PPP1R12B: variants seen among roughly 807,000 people sequenced by gnomAD.
PPP1R12B encodes myosin phosphatase target subunit 2.
In PPP1R12B, 76 loss-of-function variants were observed where a neutral mutation model predicts 126.1. The ratio of observed to expected loss-of-function variants is 0.60; its 90% CI spans 0.50 to 0.73. The LOEUF (loss-of-function observed/expected upper bound fraction) is 0.73. PPP1R12B is among the 30% of genes least tolerant of loss of function. PPP1R12B has a pLI of 0.00. For missense variants in PPP1R12B, 1,052 were observed against 1,205.1 expected, an observed-to-expected ratio of 0.87 and a Z score of 1.88; for synonymous variants, 356 against 434.7, an observed-to-expected ratio of 0.82 and a Z score of 2.25.
rs775597369 is a variant in PPP1R12B at position 202,564,564 on chromosome 1, A to G, written c.2757+17A>G. The stretch of plus-strand genomic sequence containing the variant: ...GTGGCCCAGGTAAGACGGAAGAAGA[A>G]GAAAAAAGATGAGAACCAAGGGTTG... On this transcript the variant is annotated intron_variant, in intron 21 of 23. Coordinates refer to ENST00000608999, the MANE Select transcript of PPP1R12B (RefSeq NM_002481.4). The G allele has an allele frequency of 4.4e-6, 7 of 1,581,384 alleles. No individual in the cohort carries two copies. In the Admixed American group the frequency reaches 1.2e-4, roughly 26 times the overall value.
chr1:202,574,835 A>G (rs986559475), intron 23 of PPP1R12B: 17 of 574,616 alleles, frequency 3.0e-5, no homozygotes, highest in Non-Finnish European at 4.8e-5. Context: ...TCCACCTGCC[A>G]CCCATTTGCT....
intron 14 of PPP1R12B, 137 bp from the exon 15 acceptor site, chr1:202,492,977 G>A: frequency 1.2e-6 from 1 of 813,268 alleles, no homozygotes; most frequent in East Asian, 2.5e-5. Context: ...ATTGCTTGAA[G>A]TGGCCTCATT....
chr1:202,572,612 T>C (rs1157958836), intron 23 of PPP1R12B, among the ~76,000 whole-genome samples: 1 of 152,190 alleles, frequency 6.6e-6, no homozygotes, highest in African/African-American at 2.4e-5. Context: ...GTGTGAGCTG[T>C]GCCAGGCCTG....
chr1:202,422,055 C>T (rs1668865229), intron 2 of PPP1R12B, among the ~76,000 whole-genome samples: 1 of 152,218 alleles, frequency 6.6e-6, no homozygotes, highest in Non-Finnish European at 1.5e-5. Context: ...ATTGAATTAT[C>T]AGACCTTTCT....
At chr1:202,543,863 TA>T (rs146485304) in intron 18 of PPP1R12B, among the ~76,000 whole-genome samples, 167 of 152,386 alleles carry the variant, frequency 1.1e-3, no homozygotes, top group Non-Finnish European at 2.0e-3. Flanking sequence ...ATGCTCCTAA[TA>T]TTGCTATTTT....
intron 23 of PPP1R12B, chr1:202,575,099 C>T (rs202094568): frequency 1.2e-5 from 20 of 1,613,806 alleles, no homozygotes; most frequent in East Asian, 2.2e-5. Flanking sequence ...GCCAGACTCT[C>T]GGAGTCCATC....
chr1:202,441,868 T>C (rs931073322), intron 11 of PPP1R12B, among the ~76,000 whole-genome samples: 1 of 152,140 alleles, frequency 6.6e-6, no homozygotes, highest in African/African-American at 2.4e-5. Context: ...TCTTTATTTT[T>C]TTTTTTGAGA....
Position 202,431,606 on chromosome 1 carries a change from T to G in PPP1R12B, c.1128T>G (p.Thr376=). ...EGEDEASESE[T]EKEADKKPEA... ...AAGATGAAGCTTCTGAGTCAGAAAC[T>G]GAGAAGGAGGCAGGTAATGCAAAGA... is the stretch of plus-strand genomic sequence containing the variant. Residue 376 remains threonine, a synonymous_variant, in exon 8 of 24, where the codon ACT becomes ACG. Transcript: ENST00000608999. 6.2e-7 allele frequency: 1 copy of G among 1,608,654 alleles called. No homozygotes were observed. The highest frequency in any genetic ancestry group is 1.3e-5 in the African/African-American group (1 of 74,454).
rs1019877165 is a variant in PPP1R12B, at chr1:202,590,017, T to C, written c.*9457T>C. 4 of 152,198 alleles carry C rather than the reference T, an allele frequency of 2.6e-5. No homozygotes were observed. Among genetic ancestry groups the C allele is most frequent in the Admixed American group, 2.6e-4 (4 of 15,292 alleles). The allele number at this position is 152,198 out of a possible 1,614,324, so 9.4% of individuals were successfully genotyped here. A position where few individuals can be genotyped will look rare whatever the true frequency, so the allele number is the denominator to read the frequency against. On this transcript the variant is annotated 3_prime_UTR_variant, in exon 24 of 24. Transcript: ENST00000608999. ...AGGAGTTTTACTCTTCCCTGGTCTT[T>C]GGGGGCAATGCTGTCCCACTCTCCC...
intron 1 of PPP1R12B, among the ~76,000 whole-genome samples, chr1:202,409,250 A>G (rs961423255): frequency 6.6e-6 from 1 of 152,086 alleles, no homozygotes; most frequent in African/African-American, 2.4e-5. Flanking sequence ...AGGAACTTCC[A>G]TACTGTTTTC....
chr1:202,424,450 AG>A (rs1669239026), intron 3 of PPP1R12B, among the ~76,000 whole-genome samples: 2 of 151,904 alleles, frequency 1.3e-5, no homozygotes, highest in South Asian at 4.2e-4. Flanking sequence ...CAGCCTCCCA[AG>A]TAGCTGGGAT....
intron 9 of PPP1R12B, among the ~76,000 whole-genome samples, chr1:202,436,564 A>G (rs138276689): frequency 7.4e-4 from 113 of 152,234 alleles, no homozygotes; most frequent in African/African-American, 2.6e-3. Flanking sequence ...AAGGTCCTGG[A>G]CCTCAGGAAG....
intron 19 of PPP1R12B, among the ~76,000 whole-genome samples, chr1:202,560,317 A>C (rs1687386619): frequency 6.6e-6 from 1 of 152,232 alleles, no homozygotes; most frequent in Non-Finnish European, 1.5e-5. Context: ...GAAAGAATTC[A>C]GGGAGAGTCC....
Position 202,562,912 on chromosome 1 carries a change from A to T in PPP1R12B, c.2642A>T (p.Asp881Val), listed in dbSNP as rs769726443. 6.4e-7 allele frequency: 1 copy of T among 1,571,648 alleles called. No homozygotes were observed. The highest frequency in any genetic ancestry group is 2.1e-5 in the Admixed American group (1 of 48,608). The change falls in exon 20 of 24, where the codon GAT becomes GTT. Residue 881 changes from aspartate (D) to valine (V), a missense_variant. Coordinates refer to ENST00000608999, the MANE Select transcript of PPP1R12B (RefSeq NM_002481.4). Reference protein sequence around the residue: ...TSRVEEDSNRDYKKLYESALT... With the variant: ...TSRVEEDSNRVYKKLYESALT... The stretch of plus-strand genomic sequence containing the variant: ...CGTGTAGAAGAAGACAGCAACAGAG[A>T]TTATAAAAAAGTAGGGTCTTTATTC...
intron 1 of PPP1R12B, among the ~76,000 whole-genome samples, chr1:202,376,218 G>GT (rs201255554): frequency 1.3e-4 from 20 of 151,610 alleles, no homozygotes; most frequent in East Asian, 9.7e-4. Flanking sequence ...CTTGTTTTAG[G>GT]TTTTTTTTTA....
At chr1:202,421,468 C>G (rs1176593600) in intron 2 of PPP1R12B, among the ~76,000 whole-genome samples, 1 of 151,662 alleles carries the variant, frequency 6.6e-6, no homozygotes, top group East Asian at 1.9e-4. Context: ...AACACACCAT[C>G]TCTACTAAAA....
intron 1 of PPP1R12B, among the ~76,000 whole-genome samples, chr1:202,353,117 T>C (rs1280523206): frequency 6.6e-6 from 1 of 152,208 alleles, no homozygotes; most frequent in East Asian, 1.9e-4. Context: ...GCTGAGCAAT[T>C]TATATTCAGA....
At chr1:202,526,145 T>C (rs1181751234) in intron 18 of PPP1R12B, among the ~76,000 whole-genome samples, 1 of 152,194 alleles carries the variant, frequency 6.6e-6, no homozygotes, top group Non-Finnish European at 1.5e-5. Flanking sequence ...GTTGAAGGAT[T>C]TGACTTCAAA....
At chr1:202,521,285 C>A (rs1282465386) in intron 18 of PPP1R12B, among the ~76,000 whole-genome samples, 1 of 152,108 alleles carries the variant, frequency 6.6e-6, no homozygotes, top group Non-Finnish European at 1.5e-5. Flanking sequence ...CAGGTACTTA[C>A]ATTTTTTAGT....
Sources: allele counts gnomAD v4.1 joint callset (sites outside exome capture counted in the v4.1 genomes callset), GRCh38; gene constraint gnomAD v4.1.1; transcripts MANE v1.5; gene names NCBI Gene and HGNC (gene_info 2026-07-23, HGNC 2026-07-21).